The following MBD3L1 variants were observed in gnomAD, a reference collection of about 807,000 sequenced individuals.
MBD3L1 encodes methyl-CpG-binding domain protein 3-like 1.
For missense variants in MBD3L1, 203 were observed against 230.1 expected, an observed-to-expected ratio of 0.88 and a Z score of 0.76; for synonymous variants, 84 against 85.1, an observed-to-expected ratio of 0.99 and a Z score of 0.07.
chr19:8,839,090 C>T (rs1289496312), intron 1 of MBD3L1, among the ~76,000 whole-genome samples: 1 of 151,800 alleles, frequency 6.6e-6, no homozygotes, highest in African/African-American at 2.4e-5. Flanking sequence ...AAATCCAGTT[C>T]GTACTTTCCA....
rs2044506304 is a variant in MBD3L1, at chr19:8,840,949, AGAACAG to A, written c.-70_-65del. 1 of 152,052 alleles carries A rather than the reference AGAACAG, an allele frequency of 6.6e-6. No homozygotes were observed. Among genetic ancestry groups the A allele is most frequent in the African/African-American group, 2.4e-5 (1 of 41,404 alleles). 9.4% of individuals were successfully genotyped at this position (152,052 alleles called of 1,614,324 possible). ...GACGGTGGTAGCCATGGCGTCACAG[AGAACAG>A]GGACCTTCCAAGTTTGAAGTTTTAC... On this transcript the variant is annotated 5_prime_UTR_variant, in exon 2 of 3. Coordinates refer to ENST00000595891, the MANE Select transcript of MBD3L1 (RefSeq NM_001393532.1).
chr19:8,840,586 T>A (rs1209141535), intron 1 of MBD3L1, among the ~76,000 whole-genome samples: 3 of 152,176 alleles, frequency 2.0e-5, no homozygotes, highest in Non-Finnish European at 2.9e-5. Flanking sequence ...ATTAGATGTG[T>A]GAGCCACCAT....
Sources: gnomAD v4.1 joint callset for allele counts (sites outside exome capture counted in the v4.1 genomes callset) on GRCh38, gnomAD v4.1.1 for gene constraint, MANE v1.5 for transcripts, NCBI Gene and HGNC (gene_info 2026-07-23, HGNC 2026-07-21) for gene names.